NREP: variants seen among roughly 807,000 people sequenced by gnomAD.
NREP encodes neuronal regeneration related protein, also known as neuronal regeneration-related protein.
A neutral mutation model predicts 8.6 loss-of-function variants in NREP; 5 were observed. That is an observed-to-expected ratio of 0.58 (90% confidence interval 0.30 to 1.22). The LOEUF (loss-of-function observed/expected upper bound fraction) is 1.22, where lower values mean the gene tolerates loss of function less well. Ranked by LOEUF, NREP falls within the 50% of genes most tolerant of loss-of-function variation. NREP has a pLI of 0.07. For missense variants in NREP, 86 were observed against 82.5 expected, an observed-to-expected ratio of 1.04 and a Z score of -0.17; for synonymous variants, 27 against 28.0, an observed-to-expected ratio of 0.96 and a Z score of 0.11.
At chr5:111,762,600 T>C (rs1219382387), upstream of NREP, among the ~76,000 whole-genome samples, 2 of 152,136 alleles carry the variant, frequency 1.3e-5, no homozygotes, top group Non-Finnish European at 2.9e-5. Context: ...GACCAGTGTC[T>C]TTCTAAGAAG....
chr5:111,815,593 A>T (rs1752367757), intron 2 of NREP, among the ~76,000 whole-genome samples: 1 of 152,260 alleles, frequency 6.6e-6, no homozygotes, highest in East Asian at 1.9e-4. Context: ...AAATTATAAA[A>T]CTGAAAAATA....
chr5:111,953,261 G>C (rs958132850), intron 2 of NREP, among the ~76,000 whole-genome samples: 19 of 152,112 alleles, frequency 1.2e-4, no homozygotes, highest in Non-Finnish European at 2.4e-4. Context: ...AAACTTCTCA[G>C]ATGGGCAGTG....
chr5:111,803,414 T>C (rs906233468), intron 2 of NREP, among the ~76,000 whole-genome samples: 1 of 152,210 alleles, frequency 6.6e-6, no homozygotes, highest in South Asian at 2.1e-4. Context: ...AAAATGCACA[T>C]TCACTAGACA....
chr5:111,965,917 T>G (rs1044352943), intron 2 of NREP, among the ~76,000 whole-genome samples: 2 of 151,866 alleles, frequency 1.3e-5, no homozygotes, highest in East Asian at 1.9e-4. Context: ...GTTCAGTAAA[T>G]GAGGAGGATG....
chr5:111,782,408 G>T (rs914836420), intron 2 of NREP, among the ~76,000 whole-genome samples: 1 of 152,176 alleles, frequency 6.6e-6, no homozygotes, highest in Non-Finnish European at 1.5e-5. Flanking sequence ...TGCATGTGTT[G>T]GAGTATAAAT....
intron 2 of NREP, among the ~76,000 whole-genome samples, chr5:111,901,102 A>G (rs1754636447): frequency 6.6e-6 from 1 of 152,192 alleles, no homozygotes; most frequent in Non-Finnish European, 1.5e-5. Flanking sequence ...GAATGGTTCA[A>G]CATGTGCAAA....
intron 2 of NREP, among the ~76,000 whole-genome samples, chr5:111,790,842 G>A (rs7705609): frequency 0.98 from 148,576 of 152,238 alleles, 72,617 homozygotes; most frequent in Non-Finnish European, 1. Context: ...CCACTTATGC[G>A]CCTATTTTTG....
upstream of NREP, chr5:111,758,068 C>G: frequency 1.0e-6 from 1 of 985,580 alleles, no homozygotes; most frequent in Non-Finnish European, 1.2e-6. Flanking sequence ...CGCTCAGACA[C>G]ACAAAGAGTC....
intron 2 of NREP, among the ~76,000 whole-genome samples, chr5:111,937,503 G>T (rs1355785456): frequency 6.6e-6 from 1 of 151,968 alleles, no homozygotes; most frequent in Non-Finnish European, 1.5e-5. Flanking sequence ...TCTCTTCCCT[G>T]AACTTGCAGC....
intron 2 of NREP, among the ~76,000 whole-genome samples, chr5:111,805,995 G>C (rs72782108): frequency 0.013 from 1,968 of 152,224 alleles, 23 homozygotes; most frequent in Middle Eastern, 0.02. Flanking sequence ...ATGTATGTCA[G>C]AGCATCTTAT....
intron 2 of NREP, among the ~76,000 whole-genome samples, chr5:111,969,160 G>A (rs1020561954): frequency 2.0e-5 from 3 of 152,198 alleles, no homozygotes; most frequent in Non-Finnish European, 4.4e-5. Flanking sequence ...GTTTCTAATG[G>A]TGGAACACAG....
At chr5:111,904,972 C>T (rs180743488) in intron 2 of NREP, among the ~76,000 whole-genome samples, 6 of 152,076 alleles carry the variant, frequency 3.9e-5, no homozygotes, top group Admixed American at 2.6e-4. Context: ...TTTATTGCTC[C>T]CAAAAGAATT....
At chr5:111,838,713 A>T (rs1037590602) in intron 2 of NREP, among the ~76,000 whole-genome samples, 4 of 151,766 alleles carry the variant, frequency 2.6e-5, no homozygotes, top group African/African-American at 9.7e-5. Flanking sequence ...TGATATATAT[A>T]TATGTGTGTG....
intron 2 of NREP, among the ~76,000 whole-genome samples, chr5:111,963,834 T>G (rs199837400): frequency 2.6e-5 from 4 of 152,228 alleles, no homozygotes; most frequent in East Asian, 3.8e-4. Flanking sequence ...GTGGTGATCT[T>G]GATTTTAATT....
chr5:111,834,413 T>C (rs1752846223), intron 2 of NREP, among the ~76,000 whole-genome samples: 1 of 152,160 alleles, frequency 6.6e-6, no homozygotes, highest in Admixed American at 6.5e-5. Context: ...AGCACCAAGA[T>C]ATGAAATAGT....
At chr5:111,799,088 C>A (rs975157621) in intron 2 of NREP, among the ~76,000 whole-genome samples, 3 of 152,090 alleles carry the variant, frequency 2.0e-5, no homozygotes, top group Non-Finnish European at 4.4e-5. Flanking sequence ...TTGTATTTGG[C>A]TTTATTTCTG....
At chr5:111,946,941 A>G (rs1275015021) in intron 2 of NREP, among the ~76,000 whole-genome samples, 2 of 152,054 alleles carry the variant, frequency 1.3e-5, no homozygotes, top group African/African-American at 2.4e-5. Context: ...ATTCCTATAA[A>G]TAATAAAAAT....
intron 2 of NREP, among the ~76,000 whole-genome samples, chr5:111,858,382 C>A (rs984251991): frequency 1.3e-5 from 2 of 152,110 alleles, no homozygotes; most frequent in African/African-American, 4.8e-5. Flanking sequence ...TCTCTCCCAC[C>A]AAGTCCAGAG....
intron 2 of NREP, among the ~76,000 whole-genome samples, chr5:111,767,282 T>A (rs1751106987): frequency 6.6e-6 from 1 of 151,480 alleles, no homozygotes; most frequent in Non-Finnish European, 1.5e-5. Flanking sequence ...GTACCATAAA[T>A]TACTCCTCCC....
Sources: allele counts gnomAD v4.1 joint callset (sites outside exome capture counted in the v4.1 genomes callset), GRCh38; gene constraint gnomAD v4.1.1; transcripts MANE v1.5; gene names NCBI Gene and HGNC (gene_info 2026-07-23, HGNC 2026-07-21).